SLC14A2: variants seen among roughly 807,000 people sequenced by gnomAD.
The protein encoded by SLC14A2 is solute carrier family 14 member 2.
Under a neutral mutation model 104.6 loss-of-function variants are expected in SLC14A2, and 91 were observed. That is an observed-to-expected ratio of 0.87 (90% CI 0.73 to 1.04). SLC14A2 has a LOEUF of 1.04. Among genes scored for constraint, SLC14A2 ranks in the 50% least tolerant of loss-of-function variants. The pLI is 0.00. For synonymous variants in SLC14A2, 476 were observed against 466.4 expected, an observed-to-expected ratio of 1.02 and a Z score of -0.27; for missense variants, 1,189 against 1,156.0, an observed-to-expected ratio of 1.03 and a Z score of -0.41.
At chr18:45,437,628 C>T (rs1180578477) in intron 1 of SLC14A2, among the ~76,000 whole-genome samples, 1 of 152,176 alleles carries the variant, frequency 6.6e-6, no homozygotes, top group African/African-American at 2.4e-5. Context: ...AGAACTCGGT[C>T]ACCGCCCTCC....
At chr18:45,577,346 G>A (rs1167701760) in intron 2 of SLC14A2, among the ~76,000 whole-genome samples, 1 of 152,102 alleles carries the variant, frequency 6.6e-6, no homozygotes, top group Non-Finnish European at 1.5e-5. Context: ...TTATGAGCTA[G>A]CTTCAAAGTC....
intron 1 of SLC14A2, among the ~76,000 whole-genome samples, chr18:45,281,826 C>T (rs2084765596): frequency 6.6e-6 from 1 of 152,172 alleles, no homozygotes; most frequent in Non-Finnish European, 1.5e-5. Flanking sequence ...CACTGCCATG[C>T]AGCTGAGAGT....
intron 2 of SLC14A2, among the ~76,000 whole-genome samples, chr18:45,546,565 C>A (rs978932825): frequency 1.3e-5 from 2 of 152,182 alleles, no homozygotes; most frequent in South Asian, 2.1e-4. Context: ...GGAAAGGAAG[C>A]CTGTGGGCAA....
chr18:45,481,105 CCCCAAAATTAGGAGG>C, intron 1 of SLC14A2, among the ~76,000 whole-genome samples: 1 of 152,016 alleles, frequency 6.6e-6, no homozygotes, highest in Non-Finnish European at 1.5e-5. Flanking sequence ...AGGAACCAAT[CCCCAAAATTAGGAGG>C]AGGCAGGATT....
the SLC14A2 span, among the ~76,000 whole-genome samples, chr18:45,204,949 T>A: frequency 6.6e-6 from 1 of 152,164 alleles, no homozygotes; most frequent in Non-Finnish European, 1.5e-5. Context: ...GGAGGAGAGT[T>A]GGCTGAGTGA....
At chr18:45,610,868 T>C (rs2044961059), upstream of SLC14A2, among the ~76,000 whole-genome samples, 1 of 152,172 alleles carries the variant, frequency 6.6e-6, no homozygotes, top group Admixed American at 6.5e-5. Context: ...TACCTGTCAG[T>C]CTTCCACCAA....
intron 1 of SLC14A2, among the ~76,000 whole-genome samples, chr18:45,347,150 G>A (rs1490672515): frequency 6.6e-6 from 1 of 151,960 alleles, no homozygotes; most frequent in Non-Finnish European, 1.5e-5. Context: ...CAGCTCAGGA[G>A]TTCGAGACCA....
chr18:45,376,650 T>G (rs2085777866), intron 1 of SLC14A2, among the ~76,000 whole-genome samples: 1 of 152,072 alleles, frequency 6.6e-6, no homozygotes, highest in South Asian at 2.1e-4. Flanking sequence ...CTGCCAGATA[T>G]GACATTTAGA....
At chr18:45,173,958 G>A in the SLC14A2 span, among the ~76,000 whole-genome samples, 2 of 152,070 alleles carry the variant, frequency 1.3e-5, no homozygotes, top group Admixed American at 1.3e-4. Flanking sequence ...AAAGTCACCT[G>A]GTTTTATTTT....
intron 2 of SLC14A2, among the ~76,000 whole-genome samples, chr18:45,592,346 T>G (rs1445569569): frequency 6.6e-6 from 1 of 152,198 alleles, no homozygotes; most frequent in East Asian, 1.9e-4. Context: ...TCTCTGGATG[T>G]CTCAGTATTC....
At chr18:45,548,006 C>T (rs1345493) in intron 2 of SLC14A2, among the ~76,000 whole-genome samples, 30,810 of 152,028 alleles carry the variant, frequency 0.2, 3,136 homozygotes, top group Admixed American at 0.21. Flanking sequence ...TGGAGTCTTT[C>T]CCAAGAAATC....
chr18:45,625,828 C>T lies in SLC14A2; in HGVS notation c.296C>T (p.Thr99Met), dbSNP rs200052300. Residue 99 changes from threonine (T) to methionine (M), a missense_variant, in exon 3 of 20, where the codon ACG (threonine) becomes ATG (methionine). Thr to Met is a moderately conservative substitution (Grantham distance 81). Transcript: ENST00000255226. ...CTCTCCAAAGCAGTGGGCTACCTCA[C>T]GGGCGACATGAAGGAGTACAGGATC... ...ICLSKAVGYL[T>M]GDMKEYRIWL... The T allele has an allele frequency of 1.6e-5, 24 of 1,505,550 alleles. No individual in the cohort carries two copies. The highest frequency in any genetic ancestry group is 1.2e-4 in the African/African-American group (8 of 68,766). The allele number at this position is 1,505,550 out of a possible 1,614,324, so 93.3% of individuals were successfully genotyped here.
At chr18:45,515,736 G>T (rs1384008016) in intron 2 of SLC14A2, 1 of 152,268 alleles carries the variant, frequency 6.6e-6, no homozygotes, top group Non-Finnish European at 1.5e-5. Flanking sequence ...ATTGGGCCCG[G>T]GAGAGCAGGC....
intron 2 of SLC14A2, among the ~76,000 whole-genome samples, chr18:45,503,403 T>A (rs1260215202): frequency 2.0e-5 from 3 of 152,138 alleles, no homozygotes; most frequent in Admixed American, 6.5e-5. Flanking sequence ...CACTGCCACA[T>A]CCCTCCCTAG....
Position 45,668,419 on chromosome 18 carries a change from G to A in SLC14A2, c.1978G>A (p.Asp660Asn), listed in dbSNP as rs2046069058. 1.2e-6 allele frequency: 2 copies of A among 1,614,164 alleles called. No individual in the cohort carries two copies. Among genetic ancestry groups the A allele is most frequent in the Admixed American group, 3.3e-5 (2 of 60,032 alleles). The change falls in exon 15 of 20, where the codon GAC becomes AAC. Residue 660 changes from aspartate (D) to asparagine (N), a missense_variant. Physicochemically the swap from Asp to Asn is conservative, Grantham distance 23. Transcript: ENST00000255226. ...LVGLLMAVFS[D>N]KGDYYWWLLL... Reference sequence around the variant, plus strand: ...GGGGCTGCTGATGGCCGTGTTCTCAGACAAAGGTGACTACTACTGGTGGCT... The same window carrying A: ...GGGGCTGCTGATGGCCGTGTTCTCAAACAAAGGTGACTACTACTGGTGGCT...
intron 1 of SLC14A2, among the ~76,000 whole-genome samples, chr18:45,238,224 T>C (rs1225653152): frequency 6.6e-6 from 1 of 152,232 alleles, no homozygotes; most frequent in Non-Finnish European, 1.5e-5. Flanking sequence ...GTCCATTCAT[T>C]CTTATAACAG....
chr18:45,299,130 C>T lies in SLC14A2; in HGVS notation c.-125+85939C>T, dbSNP rs533204209. ...TGGGTTCTGAATAGGCAATGTTCACCGGAAGATAGCTCAGCTCCTAATACA... is the reference window on the plus strand; with the variant it reads ...TGGGTTCTGAATAGGCAATGTTCACTGGAAGATAGCTCAGCTCCTAATACA... On this transcript the variant is annotated intron_variant, in intron 1 of 20. Coordinates refer to the SLC14A2 transcript ENST00000586448. Among the ~76,000 whole-genome samples, 7 of 152,314 alleles carry T rather than the reference C, an allele frequency of 4.6e-5. No individual in the cohort carries two copies. The East Asian group carries it at 5.8e-4, about 13-fold the overall frequency.
chr18:45,580,940 A>G (rs529507465), intron 2 of SLC14A2, among the ~76,000 whole-genome samples: 1 of 151,856 alleles, frequency 6.6e-6, no homozygotes, highest in East Asian at 1.9e-4. Flanking sequence ...ATACTCAGGC[A>G]AAACCAGGCT....
intron 1 of SLC14A2, among the ~76,000 whole-genome samples, chr18:45,217,360 AAT>A (rs1276898565): frequency 6.6e-6 from 1 of 150,862 alleles, no homozygotes; most frequent in Non-Finnish European, 1.5e-5. Context: ...TATAATATGT[AAT>A]ATATATATGC....
Sources: gnomAD v4.1 joint callset for allele counts (sites outside exome capture counted in the v4.1 genomes callset) on GRCh38, gnomAD v4.1.1 for gene constraint, MANE v1.5 for transcripts, NCBI Gene and HGNC (gene_info 2026-07-23, HGNC 2026-07-21) for gene names.